Variants in MADCAM1 observed in about 807,000 individuals in gnomAD.
The protein encoded by MADCAM1 is mucosal addressin cell adhesion molecule 1.
In MADCAM1, 19 loss-of-function variants were observed where a neutral mutation model predicts 26.1. The observed-to-expected ratio is 0.73, with a 90% confidence interval of 0.51 to 1.07. The LOEUF (loss-of-function observed/expected upper bound fraction) is 1.07. Among genes scored for constraint, MADCAM1 ranks in the 50% least tolerant of loss-of-function variants. MADCAM1 has a pLI of 0.00. For synonymous variants in MADCAM1, 268 were observed against 260.9 expected (o/e 1.03, Z -0.26); for missense variants, 514 against 542.1 (o/e 0.95, Z 0.51).
Position 504,851 on chromosome 19 carries a change from C to A in MADCAM1, c.1035C>A (p.Cys345Ter). The A allele has an allele frequency of 6.2e-7, 1 of 1,613,008 alleles. No individual in the cohort carries two copies. The highest frequency in any genetic ancestry group is 1.1e-5 in the South Asian group (1 of 91,084). Residue 345 changes from cysteine (C) to a stop codon, truncating the protein, a stop_gained, in exon 5 of 5, where the codon TGC (cysteine) becomes TGA (stop). Coordinates refer to ENST00000215637, the MANE Select transcript of MADCAM1 (RefSeq NM_130760.3). LOFTEE classifies it low-confidence loss of function (END_TRUNC). ...CCACCTATCACCTCTGGAAACGCTG[C>A]CGGCACCTGGCTGAGGACGACACCC... ...ALPTYHLWKRCRHLAEDDTHP... is the reference protein window; with the variant it reads ...ALPTYHLWKR
At chr19:500,034 G>A (rs991959246) in intron 3 of MADCAM1, 1 of 454,386 alleles carries the variant, frequency 2.2e-6, no homozygotes, top group Non-Finnish European at 4.4e-6. Context: ...CTGGATTTGA[G>A]GGATATTTTA....
chr19:501,551 C>T lies in MADCAM1; in HGVS notation c.668-118C>T, dbSNP rs1379056008. 6.4e-6 allele frequency: 5 copies of T among 782,864 alleles called. No homozygotes were observed. In the African/African-American group the frequency reaches 7.4e-5, roughly 12 times the overall value. 48.5% of individuals were successfully genotyped at this position (782,864 alleles called of 1,614,324 possible). ...GGAAATGTGACTCACCAGAGTGGTC[C>T]AGGGAAGGGGCTTGGAGGGGTTCTG... On this transcript the variant is annotated intron_variant, in intron 3 of 4. Transcript: ENST00000215637.
intron 2 of MADCAM1, 40 bp from the exon 3 acceptor site, chr19:498,456 G>A: frequency 1.4e-6 from 2 of 1,433,828 alleles, no homozygotes; most frequent in Non-Finnish European, 1.8e-6. Flanking sequence ...GTCCAGCCCT[G>A]ACTCTGGGCT....
rs145604202 is a variant in MADCAM1, at chr19:504,757, C to T, written c.941C>T (p.Ala314Val). ...ACTCTCTCCCCAGCGTCCAAACCTG[C>T]GGGTGACCAGCTGCCCGCGGCTCTG... ...EVIPTGSSKP[A>V]GDQLPAALWT... is the part of the protein sequence containing the mutation. The change falls in exon 5 of 5, where the codon GCG becomes GTG. Residue 314 changes from alanine (A) to valine (V), a missense_variant. Physicochemically the swap from Ala to Val is moderately conservative, Grantham distance 64 (BLOSUM62 0). Transcript: ENST00000215637. 4.8e-5 allele frequency: 77 copies of T among 1,604,548 alleles called. No individual in the cohort carries two copies. Among genetic ancestry groups the T allele is most frequent in the Middle Eastern group, 1.7e-4 (1 of 5,964 alleles).
chr19:503,608 T>TA (rs1473795133), intron 4 of MADCAM1, among the ~76,000 whole-genome samples: 1 of 140,568 alleles, frequency 7.1e-6, no homozygotes, highest in Non-Finnish European at 1.5e-5. Context: ...AAAGTAAAAA[T>TA]AATGTGGTCG....
At position 498,019 on chromosome 19, in the gene MADCAM1, C is replaced by T. The variant is rs1460526240; in HGVS notation, c.239C>T (p.Thr80Ile). The T allele has an allele frequency of 6.7e-7, 1 of 1,502,564 alleles. No homozygotes were observed. The highest frequency in any genetic ancestry group is 8.8e-7 in the Non-Finnish European group (1 of 1,131,798). 93.1% of individuals were successfully genotyped at this position (1,502,564 alleles called of 1,614,324 possible). A position where few individuals can be genotyped will look rare whatever the true frequency, so the allele number is the denominator to read the frequency against. ...VQSDTGRSVLTVRNASLSAAG... is the reference protein window; with the variant it reads ...VQSDTGRSVLIVRNASLSAAG... Reference sequence around the variant, plus strand: ...TCGGACACGGGCCGCAGCGTCCTCACCGTGCGCAACGCCTCGCTGTCGGCG... The same window carrying T: ...TCGGACACGGGCCGCAGCGTCCTCATCGTGCGCAACGCCTCGCTGTCGGCG... The change falls in exon 2 of 5, where the codon ACC becomes ATC. Residue 80 changes from threonine (T) to isoleucine (I), a missense_variant. Transcript: ENST00000215637.
At position 501,654 on chromosome 19, in the gene MADCAM1, TCA is replaced by T; in HGVS notation, c.668-13_668-12del. 2 of 1,556,340 alleles carry T rather than the reference TCA, an allele frequency of 1.3e-6. No homozygotes were observed. Among genetic ancestry groups the T allele is most frequent in the Non-Finnish European group, 1.7e-6 (2 of 1,156,174 alleles). ...GGCAGCAGAGAGGAAAAAAAAACCC[TCA>T]CTCTGTTTCCAGTCCTGCACAGCCC... On this transcript the variant is annotated splice_polypyrimidine_tract_variant and intron_variant, in intron 3 of 4. Transcript: ENST00000215637.
At chr19:501,580 C>T (rs62130831) in intron 3 of MADCAM1, 89 bp from the exon 4 acceptor site, 522,137 of 1,434,124 alleles carry the variant, frequency 0.36, 99,757 homozygotes, top group Admixed American at 0.41. Context: ...GGTTCTGGTC[C>T]AAGCCCTTCA....
chr19:501,597 T>C, intron 3 of MADCAM1, 72 bp from the exon 4 acceptor site: 1 of 1,506,210 alleles, frequency 6.6e-7, no homozygotes, highest in South Asian at 1.3e-5. Context: ...TTCATCCAGA[T>C]GCGGAGATTG....
intron 4 of MADCAM1, among the ~76,000 whole-genome samples, chr19:503,564 GC>G: frequency 8.1e-6 from 1 of 123,870 alleles, no homozygotes; most frequent in Non-Finnish European, 1.6e-5. Context: ...CTGGGAGACA[GC>G]AAGACTCCGT....
At chr19:499,361 G>A (rs891888545) in intron 3 of MADCAM1, 4 of 456,468 alleles carry the variant, frequency 8.8e-6, no homozygotes, top group Non-Finnish European at 1.8e-5. Flanking sequence ...CCGTTTAAAG[G>A]GTCAACCCCT....
At chr19:499,888 T>C (rs1194072908) in intron 3 of MADCAM1, 1 of 453,456 alleles carries the variant, frequency 2.2e-6, no homozygotes, top group Non-Finnish European at 4.4e-6. Flanking sequence ...TGTCCTCCCA[T>C]GGGGCACCCT....
intron 4 of MADCAM1, among the ~76,000 whole-genome samples, chr19:503,377 C>G (rs2392799): frequency 0.11 from 15,864 of 149,838 alleles, 1,623 homozygotes; most frequent in African/African-American, 0.27. Context: ...GTCAGGAGAT[C>G]GAGACCATCC....
chr19:504,416 A>C (rs187691833), intron 4 of MADCAM1, among the ~76,000 whole-genome samples: 5 of 152,036 alleles, frequency 3.3e-5, no homozygotes, highest in African/African-American at 1.2e-4. Context: ...GGCGCCTGCC[A>C]CCATGTCCAG....
chr19:498,533 G>A lies in MADCAM1; in HGVS notation c.375G>A (p.Leu125=), dbSNP rs983163904. 3 of 1,469,386 alleles carry A rather than the reference G, an allele frequency of 2.0e-6. No homozygotes were observed. In the Admixed American group the frequency reaches 8.0e-5, roughly 39 times the overall value. 91.0% of individuals were successfully genotyped at this position (1,469,386 alleles called of 1,614,324 possible). Residue 125 remains leucine, a synonymous_variant, in exon 3 of 5, where the codon CTG becomes CTA. Transcript: ENST00000215637. ...PDQLTVSPAA[L]VPGDPEVACT... is the part of the protein sequence containing the mutation. The stretch of plus-strand genomic sequence containing the variant: ...AGCTGACCGTCTCCCCAGCAGCCCT[G>A]GTGCCTGGTGACCCGGAGGTGGCCT...
Position 500,819 on chromosome 19 carries a change from G to A in MADCAM1, c.668-850G>A, listed in dbSNP as rs372066151. Reference sequence around the variant, plus strand: ...CGGGAGGCGGAGGTTGCAGTGAGCCGAGATCGCACCATTGCACTCCAGCCT... The same window carrying A: ...CGGGAGGCGGAGGTTGCAGTGAGCCAAGATCGCACCATTGCACTCCAGCCT... On this transcript the variant is annotated intron_variant, in intron 3 of 4. Transcript: ENST00000215637. 5.7e-3 allele frequency among the ~76,000 whole-genome samples: 870 copies of A among 151,454 alleles called. 9 individuals carry two copies. Among genetic ancestry groups the A allele is most frequent in the African/African-American group, 0.02 (823 of 41,262 alleles).
chr19:503,297 AT>A (rs1175178423), intron 4 of MADCAM1, among the ~76,000 whole-genome samples: 2 of 149,928 alleles, frequency 1.3e-5, no homozygotes, highest in Non-Finnish European at 3.0e-5. Context: ...AAAAAAAAAA[AT>A]GGGCCGGGCA....
At chr19:503,400 T>C (rs530429551) in intron 4 of MADCAM1, among the ~76,000 whole-genome samples, 18 of 150,328 alleles carry the variant, frequency 1.2e-4, no homozygotes, top group African/African-American at 2.7e-4. Context: ...GCTAACACGG[T>C]GAAACCCCGT....
rs1414075773 is a variant in MADCAM1 at position 501,436 on chromosome 19, G to A, written c.668-233G>A. On this transcript the variant is annotated intron_variant, in intron 3 of 4. Transcript: ENST00000215637. ...AGGAGCGGAGGTTGTGGTGAGCCAA[G>A]ATTGCGCCACTGCACTCCAGCCTGG... is the stretch of plus-strand genomic sequence containing the variant. The A allele has an allele frequency of 1.1e-5, 4 of 355,968 alleles. No homozygotes were observed. The East Asian group carries it at 1.4e-4, about 13-fold the overall frequency. 22.1% of individuals were successfully genotyped at this position (355,968 alleles called of 1,614,324 possible). A position where few individuals can be genotyped will look rare whatever the true frequency, so the allele number is the denominator to read the frequency against.
Sources: gnomAD v4.1 joint callset for allele counts (sites outside exome capture counted in the v4.1 genomes callset) on GRCh38, gnomAD v4.1.1 for gene constraint, MANE v1.5 for transcripts, NCBI Gene and HGNC (gene_info 2026-07-23, HGNC 2026-07-21) for gene names.